SH3TC2: variants seen among roughly 807,000 people sequenced by gnomAD.
SH3TC2 encodes the protein SH3 domain and tetratricopeptide repeats 2, also known as SH3 domain and tetratricopeptide repeat-containing protein 2.
A neutral mutation model predicts 124.5 loss-of-function variants in SH3TC2; 87 were observed. The observed-to-expected ratio is 0.70, with a 90% CI of 0.59 to 0.84. The LOEUF (loss-of-function observed/expected upper bound fraction) is 0.84. SH3TC2 is among the 40% of genes least tolerant of loss of function. The pLI, the probability that SH3TC2 is intolerant of heterozygous loss-of-function variation, is 0.00. For missense variants in SH3TC2, 1,536 were observed against 1,566.4 expected (o/e 0.98, Z 0.33); for synonymous variants, 634 against 628.5 (o/e 1.01, Z -0.13).
chr5:149,008,388 T>C (rs1055906733), intron 15 of SH3TC2: 3 of 228,652 alleles, frequency 1.3e-5, no homozygotes, highest in Non-Finnish European at 2.6e-5. Flanking sequence ...ATTTACATTT[T>C]AGCTTCATGG....
intron 1 of SH3TC2, among the ~76,000 whole-genome samples, chr5:149,058,653 G>A (rs1302205806): frequency 6.6e-6 from 1 of 151,946 alleles, no homozygotes; most frequent in Non-Finnish European, 1.5e-5. Flanking sequence ...ATGTAAGTGG[G>A]AGGAAAGCAG....
chr5:149,040,787 T>C, intron 6 of SH3TC2, 110 bp from the exon 7 acceptor site: 1 of 968,682 alleles, frequency 1.0e-6, no homozygotes, highest in Non-Finnish European at 1.6e-6. Context: ...TTTTTTCTCT[T>C]ATTTAAATGA....
rs1031812526 is a variant in SH3TC2 at position 148,994,145 on chromosome 5, T to G, written c.*10566A>C. Among the ~76,000 whole-genome samples the G allele has an allele frequency of 6.6e-6, 1 of 152,174 alleles. No individual in the cohort carries two copies. Among genetic ancestry groups the G allele is most frequent in the African/African-American group, 2.4e-5 (1 of 41,440 alleles). On this transcript the variant is annotated 3_prime_UTR_variant, in exon 17 of 17. Coordinates refer to ENST00000515425, the MANE Select transcript of SH3TC2 (RefSeq NM_024577.4). ...CTATCTAGCTTAAGTTCCATAAAAT[T>G]TATCAAAATTTCAGCTGAGGTTTTA... is the stretch of plus-strand genomic sequence containing the variant.
rs1273218931 is a variant in SH3TC2, at chr5:149,000,316, G to T, written c.*4395C>A. ...CTGCTTACTCCATTTCTCTGAGTGT[G>T]CAAGGAAAAAGTGGTTGTTGCTAGT... On this transcript the variant is annotated 3_prime_UTR_variant, in exon 17 of 17. Transcript: ENST00000515425. Among the ~76,000 whole-genome samples the T allele has an allele frequency of 2.0e-5, 3 of 152,176 alleles. No homozygotes were observed. The highest frequency in any genetic ancestry group is 4.4e-5 in the Non-Finnish European group (3 of 68,040).
chr5:149,027,645 T>A lies in SH3TC2; in HGVS notation c.2087A>T (p.His696Leu), dbSNP rs17109261. The change falls in exon 11 of 17, where the codon CAT becomes CTT. Residue 696 changes from histidine (H) to leucine (L), a missense_variant. By Grantham distance (99) the His-to-Leu change is moderately conservative (BLOSUM62 -3). This residue lies in a region of SH3TC2 where 1,102 missense variants were observed against 1,098.6 expected (regional missense o/e 1.00). Transcript: ENST00000515425. ...CATCCCTTGGGCACTCTGGATACCATGTTGCTGGACAGAGGCCACTGCAAG... is the reference window on the plus strand; with the variant it reads ...CATCCCTTGGGCACTCTGGATACCAAGTTGCTGGACAGAGGCCACTGCAAG... ...PHLAVASVQQ[H>L]GIQSAQGMSL... is the part of the protein sequence containing the mutation. 1 of 1,614,214 alleles carries A rather than the reference T, an allele frequency of 6.2e-7. No individual in the cohort carries two copies.
At position 148,998,409 on chromosome 5, in the gene SH3TC2, A is replaced by T. The variant is rs545169695; in HGVS notation, c.*6302T>A. 5.6e-4 allele frequency among the ~76,000 whole-genome samples: 86 copies of T among 152,348 alleles called. 2 individuals are homozygous for T. The South Asian group carries it at 0.018, about 31-fold the overall frequency. ...TCACAGAAAAGGACAGCAATGGATT[A>T]GCCTGTCTTCTCATTAGCCATGTGA... is the stretch of plus-strand genomic sequence containing the variant. On this transcript the variant is annotated 3_prime_UTR_variant, in exon 17 of 17. Transcript: ENST00000515425.
At chr5:149,048,621 A>G (rs1162597607) in intron 2 of SH3TC2, among the ~76,000 whole-genome samples, 1 of 152,246 alleles carries the variant, frequency 6.6e-6, no homozygotes, top group African/African-American at 2.4e-5. Flanking sequence ...TCTATAAGCC[A>G]GAAGCTGTTT....
In SH3TC2 at chr5:149,004,416, T is replaced by C. The variant is rs978265879; in HGVS notation, c.*295A>G. 1.5e-5 allele frequency: 6 copies of C among 394,574 alleles called. No individual in the cohort carries two copies. Among genetic ancestry groups the C allele is most frequent in the Middle Eastern group, 1.4e-3 (2 of 1,410 alleles). The allele number at this position is 394,574 out of a possible 1,614,324, so 24.4% of individuals were successfully genotyped here. On this transcript the variant is annotated 3_prime_UTR_variant, in exon 17 of 17. Coordinates refer to ENST00000515425, the MANE Select transcript of SH3TC2 (RefSeq NM_024577.4). ...CTGGAGGGCAAGATCCCTCATCTTC[T>C]CCAGAATTATGTATGGAGAAAGTGC...
chr5:149,011,407 A>G (rs911751549), intron 13 of SH3TC2, among the ~76,000 whole-genome samples: 2 of 152,160 alleles, frequency 1.3e-5, no homozygotes, highest in Non-Finnish European at 2.9e-5. Context: ...AAAGGAGAAG[A>G]CTGAATTGTC....
At chr5:149,036,289 A>G (rs1754282042) in intron 8 of SH3TC2, among the ~76,000 whole-genome samples, 1 of 151,988 alleles carries the variant, frequency 6.6e-6, no homozygotes, top group Non-Finnish European at 1.5e-5. Context: ...CTTCCAGAAG[A>G]CCTACCAATG....
intron 10 of SH3TC2, 56 bp downstream of exon 10, chr5:149,028,621 G>A (rs1754126664): frequency 1.2e-6 from 2 of 1,614,066 alleles, no homozygotes; most frequent in African/African-American, 1.3e-5. Context: ...CTTGGCAAGA[G>A]GACAGAAGTG....
Position 149,055,862 on chromosome 5 carries a change from G to A in SH3TC2, c.53-3622C>T, listed in dbSNP as rs148768501. ...TTTGGGAGGCCGAGTCTAGAGGATC[G>A]TTTCAGCCCAGGAGTTCAAGCCCAG... On this transcript the variant is annotated intron_variant, in intron 1 of 16. Transcript: ENST00000515425. Among the ~76,000 whole-genome samples, 12 of 152,190 alleles carry A rather than the reference G, an allele frequency of 7.9e-5. No individual in the cohort carries two copies. In the East Asian group the frequency reaches 1.7e-3, roughly 22 times the overall value.
rs780721573 is a variant in SH3TC2, at chr5:149,027,311, G to A, written c.2421C>T (p.Leu807=). ...AAGCCTTCTTGGCCTGGCTGGCTAAGAGATAGGCCCATGCCAGGCAGAGAG... is the reference window on the plus strand; with the variant it reads ...AAGCCTTCTTGGCCTGGCTGGCTAAAAGATAGGCCCATGCCAGGCAGAGAG... ...ESSLCLAWAY[L]LASQAKKALD... is the part of the protein sequence containing the mutation. The change falls in exon 11 of 17, where the codon CTC becomes CTT. Residue 807 remains leucine, a synonymous_variant. Coordinates refer to ENST00000515425, the MANE Select transcript of SH3TC2 (RefSeq NM_024577.4). 5.0e-6 allele frequency: 8 copies of A among 1,614,066 alleles called. No homozygotes were observed. The South Asian group carries it at 8.8e-5, about 18-fold the overall frequency.
chr5:148,989,662 T>A lies in SH3TC2; in HGVS notation c.*15049A>T, dbSNP rs575869408. On this transcript the variant is annotated 3_prime_UTR_variant, in exon 17 of 17. Coordinates refer to ENST00000515425, the MANE Select transcript of SH3TC2 (RefSeq NM_024577.4). ...TTCTGTATTGTCCGGTTTGCACTGATAATAAAACAGTCTGATAAAATCTTA... is the reference window on the plus strand; with the variant it reads ...TTCTGTATTGTCCGGTTTGCACTGAAAATAAAACAGTCTGATAAAATCTTA... 1.3e-5 allele frequency among the ~76,000 whole-genome samples: 2 copies of A among 152,354 alleles called. No individual in the cohort carries two copies. Among genetic ancestry groups the A allele is most frequent in the South Asian group, 2.1e-4 (1 of 4,828 alleles).
At chr5:149,037,077 G>A (rs181853692) in intron 8 of SH3TC2, among the ~76,000 whole-genome samples, 2 of 152,026 alleles carry the variant, frequency 1.3e-5, no homozygotes, top group East Asian at 1.9e-4. Flanking sequence ...TTAAGGAAAG[G>A]GCCCTCACAC....
At chr5:149,055,651 T>C (rs1254191837) in intron 1 of SH3TC2, among the ~76,000 whole-genome samples, 1 of 152,180 alleles carries the variant, frequency 6.6e-6, no homozygotes, top group East Asian at 1.9e-4. Context: ...AAAATATGCA[T>C]GCACTAAGAC....
chr5:149,021,708 AAGAAGAAAC>A (rs1244959916), intron 12 of SH3TC2, among the ~76,000 whole-genome samples: 2 of 152,034 alleles, frequency 1.3e-5, no homozygotes, highest in African/African-American at 2.4e-5. Flanking sequence ...AAAACTGCTC[AAGAAGAAAC>A]AGAAAATCTA....
chr5:148,985,566 A>G lies in SH3TC2; in HGVS notation c.*19145T>C, dbSNP rs1250527048. Among the ~76,000 whole-genome samples the G allele has an allele frequency of 2.0e-5, 3 of 152,198 alleles. No homozygotes were observed. Among genetic ancestry groups the G allele is most frequent in the Non-Finnish European group, 2.9e-5 (2 of 68,026 alleles). On this transcript the variant is annotated 3_prime_UTR_variant, in exon 17 of 17. Transcript: ENST00000515425. ...TCATTTCTTTTTATTACTGAGTAGTATTCCACTGTATGAATACACCATAGT... is the reference window on the plus strand; with the variant it reads ...TCATTTCTTTTTATTACTGAGTAGTGTTCCACTGTATGAATACACCATAGT...
rs115632195 is a variant in SH3TC2, at chr5:148,983,744, C to T, written c.*20967G>A. On this transcript the variant is annotated 3_prime_UTR_variant, in exon 17 of 17. Coordinates refer to ENST00000515425, the MANE Select transcript of SH3TC2 (RefSeq NM_024577.4). ...ATTCTACTTCCCTGTCACAAATGGC[C>T]ATCATGTCCAGAGCTTTTGTCCAAA... Among the ~76,000 whole-genome samples, 774 of 152,242 alleles carry T rather than the reference C, an allele frequency of 5.1e-3. 10 individuals carry two copies. The highest frequency in any genetic ancestry group is 0.018 in the African/African-American group (733 of 41,532).
Sources: allele counts gnomAD v4.1 joint callset (sites outside exome capture counted in the v4.1 genomes callset), GRCh38; gene constraint gnomAD v4.1.1; regional missense constraint gnomAD v4.1.1; transcripts MANE v1.5; gene names NCBI Gene and HGNC (gene_info 2026-07-23, HGNC 2026-07-21).